Variants in RITA1 observed in about 807,000 individuals in gnomAD.
RITA1 encodes the protein RBPJ-interacting and tubulin-associated protein 1.
RITA1 carries 15 observed loss-of-function variants against 8.7 expected under a neutral mutation model. The observed-to-expected ratio is 1.72, with a 90% confidence interval of 1.15 to 2.65. The LOEUF is 2.65. Ranked by LOEUF, RITA1 falls within the 30% of genes most tolerant of loss-of-function variation. The pLI is 0.00. For missense variants in RITA1, 330 were observed against 363.8 expected, an observed-to-expected ratio of 0.91 and a Z score of 0.76; for synonymous variants, 145 against 156.2, an observed-to-expected ratio of 0.93 and a Z score of 0.53.
intron 3 of RITA1, 53 bp downstream of exon 3, chr12:113,187,101 C>T: frequency 6.8e-7 from 1 of 1,468,732 alleles, no homozygotes; most frequent in Non-Finnish European, 9.1e-7. Context: ...ACCTGGATTC[C>T]AGTTACAGCT....
chr12:113,190,594 ATC>A (rs1053345673), intron 3 of RITA1, among the ~76,000 whole-genome samples: 18 of 152,356 alleles, frequency 1.2e-4, no homozygotes, highest in Admixed American at 6.5e-4. Flanking sequence ...GGCTGCTGTG[ATC>A]TGTGACTGTG....
Position 113,191,817 on chromosome 12 carries a change from A to G in RITA1, c.810A>G (p.Ter270TrpextTer53), listed in dbSNP as rs1952609885. 2 of 1,594,536 alleles carry G rather than the reference A, an allele frequency of 1.3e-6. No individual in the cohort carries two copies. The highest frequency in any genetic ancestry group is 3.4e-5 in the Admixed American group (2 of 58,352). The change falls in exon 4 of 4, where the codon TGA becomes TGG. Residue 270 changes from the stop codon to tryptophan (W), a stop_lost. Transcript: ENST00000548278. The surrounding 1 kb of genome is among the most constrained non-coding windows in gnomAD (Gnocchi z 4.0). ...AGAAACCAAAGCCCCCTTGGAAATG[A>G]TACTCTTTCATCAGGGTTGCCTATG... Reference protein sequence around the residue: ...ATQKPKPPWK* With the variant: ...ATQKPKPPWKW
chr12:113,191,238 G>T lies in RITA1; in HGVS notation c.303-72G>T. On this transcript the variant is annotated intron_variant, in intron 3 of 3. Coordinates refer to ENST00000548278, the MANE Select transcript of RITA1 (RefSeq NM_032848.3). The surrounding 1 kb of genome is among the most constrained non-coding windows in gnomAD (Gnocchi z 4.0). Reference sequence around the variant, plus strand: ...CCTCTGCTGCTGCCATCCCAGGGTGGGTGGGAGAGCTGTTAAAGTTTTGAG... The same window carrying T: ...CCTCTGCTGCTGCCATCCCAGGGTGTGTGGGAGAGCTGTTAAAGTTTTGAG... 2.7e-6 allele frequency: 4 copies of T among 1,474,586 alleles called. No homozygotes were observed. Among genetic ancestry groups the T allele is most frequent in the African/African-American group, 1.4e-5 (1 of 71,084 alleles). The allele number at this position is 1,474,586 out of a possible 1,614,324, so 91.3% of individuals were successfully genotyped here.
At position 113,191,966 on chromosome 12, in the gene RITA1, CT is replaced by C; in HGVS notation, c.*152del. On this transcript the variant is annotated 3_prime_UTR_variant, in exon 4 of 4. Coordinates refer to ENST00000548278, the MANE Select transcript of RITA1 (RefSeq NM_032848.3). The surrounding 1 kb of genome is among the most constrained non-coding windows in gnomAD (Gnocchi z 4.0). ...CATAGCAGGGGTGGGCAGTGCCTCC[CT>C]TTATCCTGACAATCTCTAGTCGATT... The C allele has an allele frequency of 9.9e-7, 1 of 1,006,316 alleles. No homozygotes were observed. Among genetic ancestry groups the C allele is most frequent in the Non-Finnish European group, 1.4e-6 (1 of 705,308 alleles). The allele number at this position is 1,006,316 out of a possible 1,614,324, so 62.3% of individuals were successfully genotyped here. A position where few individuals can be genotyped will look rare whatever the true frequency, so the allele number is the denominator to read the frequency against.
In RITA1 at chr12:113,186,035, C is replaced by A; in HGVS notation, c.-197+14C>A. The A allele has an allele frequency of 6.5e-7, 1 of 1,536,050 alleles. No homozygotes were observed. The highest frequency in any genetic ancestry group is 8.7e-7 in the Non-Finnish European group (1 of 1,146,840). On this transcript the variant is annotated intron_variant, in intron 1 of 3. Coordinates refer to ENST00000548278, the MANE Select transcript of RITA1 (RefSeq NM_032848.3). The stretch of plus-strand genomic sequence containing the variant: ...CAAGATGCTCAGGTAGGAGAACAAC[C>A]CAAAAATGCAGGGACCTCGGGCACT...
In RITA1 at chr12:113,187,019, C is replaced by T. The variant is rs1382511932; in HGVS notation, c.273C>T (p.Thr91=). ...CCCCCTCAAGGGGCAGCACCCCCAC[C>T]CTCACACCAAGGAAGAAGAACAAAT... ...ETTPSRGSTP[T]LTPRKKNKYR... The change falls in exon 3 of 4, where the codon ACC becomes ACT. Residue 91 remains threonine (T), a synonymous_variant. Transcript: ENST00000548278. 1 of 1,605,656 alleles carries T rather than the reference C, an allele frequency of 6.2e-7. No homozygotes were observed. The highest frequency in any genetic ancestry group is 8.5e-7 in the Non-Finnish European group (1 of 1,175,890).
At chr12:113,186,390 C>T (rs2136332576) in intron 2 of RITA1, 74 bp downstream of exon 2, 2 of 1,372,842 alleles carry the variant, frequency 1.5e-6, no homozygotes, top group East Asian at 5.5e-5. Flanking sequence ...CCTGTCTCCC[C>T]TACCACCATA....
Position 113,185,923 on chromosome 12 carries a change from C to G in RITA1, c.-295C>G. ...ATTGACGGGGATCCCGGATGCACCG[C>G]GCGCCCCCGCGCCCTCACCGACGGG... On this transcript the variant is annotated 5_prime_UTR_variant, in exon 1 of 4. Coordinates refer to ENST00000548278, the MANE Select transcript of RITA1 (RefSeq NM_032848.3). 2.0e-6 allele frequency: 3 copies of G among 1,495,486 alleles called. No individual in the cohort carries two copies. The highest frequency in any genetic ancestry group is 2.7e-6 in the Non-Finnish European group (3 of 1,114,132). The allele number at this position is 1,495,486 out of a possible 1,614,324, so 92.6% of individuals were successfully genotyped here. A position where few individuals can be genotyped will look rare whatever the true frequency, so the allele number is the denominator to read the frequency against.
rs57210700 is a variant in RITA1 at position 113,185,894 on chromosome 12, G to A, written c.-324G>A. Reference sequence around the variant, plus strand: ...TCCGGGGCCCCAGGCATTCCGGGCTGCAGATTGACGGGGATCCCGGATGCA... The same window carrying A: ...TCCGGGGCCCCAGGCATTCCGGGCTACAGATTGACGGGGATCCCGGATGCA... On this transcript the variant is annotated 5_prime_UTR_variant, in exon 1 of 4. Coordinates refer to ENST00000548278, the MANE Select transcript of RITA1 (RefSeq NM_032848.3). 1 of 1,417,870 alleles carries A rather than the reference G, an allele frequency of 7.1e-7. No individual in the cohort carries two copies. The highest frequency in any genetic ancestry group is 9.5e-7 in the Non-Finnish European group (1 of 1,051,992). 87.8% of individuals were successfully genotyped at this position (1,417,870 alleles called of 1,614,324 possible). A position where few individuals can be genotyped will look rare whatever the true frequency, so the allele number is the denominator to read the frequency against.
chr12:113,189,732 TAAA>T (rs34117781), intron 3 of RITA1, among the ~76,000 whole-genome samples: 3 of 76,908 alleles, frequency 3.9e-5, no homozygotes, highest in Non-Finnish European at 5.3e-5. Flanking sequence ...ATCTGTTGAA[TAAA>T]AAAAAAAAAA....
rs368110690 is a variant in RITA1, at chr12:113,191,390, G to T, written c.383G>T (p.Arg128Leu). 1.2e-6 allele frequency: 2 copies of T among 1,604,334 alleles called. No individual in the cohort carries two copies. Among genetic ancestry groups the T allele is most frequent in the African/African-American group, 2.7e-5 (2 of 74,692 alleles). ...GAAGGCGCCAGCTTCGGGGCCCCGC[G>T]GATGGCGAAGGGGGATGCCGCAAAG... The part of the protein sequence containing the change: ...RSEGASFGAP[R>L]MAKGDAAKLR... The change falls in exon 4 of 4, where the codon CGG (arginine) becomes CTG (leucine). Residue 128 changes from arginine to leucine, a missense_variant. Physicochemically the swap from Arg to Leu is moderately radical, Grantham distance 102. Coordinates refer to ENST00000548278, the MANE Select transcript of RITA1 (RefSeq NM_032848.3). The surrounding 1 kb of genome is among the most constrained non-coding windows in gnomAD (Gnocchi z 4.0).
At chr12:113,188,116 T>G (rs1288743452) in intron 3 of RITA1, among the ~76,000 whole-genome samples, 2 of 152,110 alleles carry the variant, frequency 1.3e-5, no homozygotes, top group Non-Finnish European at 1.5e-5. Context: ...TGGCACGATC[T>G]TGGCTCACCA....
rs776736297 is a variant in RITA1 at position 113,191,497 on chromosome 12, A to G, written c.490A>G (p.Ile164Val). The G allele has an allele frequency of 1.2e-6, 2 of 1,606,052 alleles. No individual in the cohort carries two copies. Among genetic ancestry groups the G allele is most frequent in the Non-Finnish European group, 1.7e-6 (2 of 1,173,790 alleles). The stretch of plus-strand genomic sequence containing the variant: ...CCCCAGGGAGGCACCACTGCGAGCC[A>G]TTCACCCAGCTGGTCCCTCCAAGAC... ...PRPREAPLRA[I>V]HPAGPSKTEP... Residue 164 changes from isoleucine to valine, a missense_variant, in exon 4 of 4, where the codon ATT becomes GTT. Transcript: ENST00000548278. The surrounding 1 kb of genome is among the most constrained non-coding windows in gnomAD (Gnocchi z 4.0).
In RITA1 at chr12:113,186,859, T is replaced by C. The variant is rs765815012; in HGVS notation, c.113T>C (p.Leu38Pro). 1.2e-6 allele frequency: 2 copies of C among 1,614,062 alleles called. No homozygotes were observed. Among genetic ancestry groups the C allele is most frequent in the Non-Finnish European group, 1.7e-6 (2 of 1,180,020 alleles). ...KARTSYVDET[L>P]FGSPAGTRPT... is the part of the protein sequence containing the mutation. ...AGGACGTCATATGTGGATGAGACTC[T>C]GTTTGGCAGCCCAGCAGGCACCCGG... is the stretch of plus-strand genomic sequence containing the variant. The change falls in exon 3 of 4, where the codon CTG becomes CCG. Residue 38 changes from leucine (L) to proline (P), a missense_variant. Coordinates refer to ENST00000548278, the MANE Select transcript of RITA1 (RefSeq NM_032848.3).
At position 113,191,047 on chromosome 12, in the gene RITA1, T is replaced by C. The variant is rs1393932531; in HGVS notation, c.303-263T>C. 6.6e-6 allele frequency among the ~76,000 whole-genome samples: 1 copy of C among 152,170 alleles called. No individual in the cohort carries two copies. The highest frequency in any genetic ancestry group is 1.5e-5 in the Non-Finnish European group (1 of 68,034). ...CCAGGAGGATGGAATATGCAAATTG[T>C]CCAGGCCTGGGGCACATGTCTGGGA... On this transcript the variant is annotated intron_variant, in intron 3 of 3. Coordinates refer to ENST00000548278, the MANE Select transcript of RITA1 (RefSeq NM_032848.3). The surrounding 1 kb of genome is among the most constrained non-coding windows in gnomAD (Gnocchi z 4.0).
At chr12:113,190,098 G>A (rs1395140909) in intron 3 of RITA1, among the ~76,000 whole-genome samples, 1 of 151,166 alleles carries the variant, frequency 6.6e-6, no homozygotes, top group Admixed American at 6.6e-5. Flanking sequence ...GGGAGGCCGA[G>A]GTGGGTAGAT....
rs765469998 is a variant in RITA1, at chr12:113,191,446, A to G, written c.439A>G (p.Thr147Ala). ...TGCTCTCTTGTGGACGCCACCACCT[A>G]CCCCCAGGGGTAGCCACTCGCCCCG... The part of the protein sequence containing the change: ...LRALLWTPPP[T>A]PRGSHSPRPR... The change falls in exon 4 of 4, where the codon ACC becomes GCC. Residue 147 changes from threonine (T) to alanine (A), a missense_variant. Transcript: ENST00000548278. The surrounding 1 kb of genome is among the most constrained non-coding windows in gnomAD (Gnocchi z 4.0). The G allele has an allele frequency of 1.0e-5, 16 of 1,604,334 alleles. No individual in the cohort carries two copies. In the Admixed American group the frequency reaches 2.7e-4, roughly 27 times the overall value.
chr12:113,187,292 A>G (rs1952549866), intron 3 of RITA1: 1 of 448,778 alleles, frequency 2.2e-6, no homozygotes, highest in Non-Finnish European at 3.9e-6. Flanking sequence ...AATAAATGGT[A>G]GTGTTGATGG....
rs1440691443 is a variant in RITA1, at chr12:113,186,001, C to T, written c.-217C>T. 4 of 1,535,956 alleles carry T rather than the reference C, an allele frequency of 2.6e-6. No homozygotes were observed. Among genetic ancestry groups the T allele is most frequent in the East Asian group, 4.9e-5 (2 of 40,914 alleles). ...GGACGGGTCCCTGAGGATCCCGATG[C>T]CTACGAGCCAAGATGCTCAGGTAGG... is the stretch of plus-strand genomic sequence containing the variant. On this transcript the variant is annotated 5_prime_UTR_variant, in exon 1 of 4. Coordinates refer to ENST00000548278, the MANE Select transcript of RITA1 (RefSeq NM_032848.3).
Sources: allele counts gnomAD v4.1 joint callset (sites outside exome capture counted in the v4.1 genomes callset), GRCh38; gene constraint gnomAD v4.1.1; non-coding constraint Gnocchi (gnomAD v3.1); transcripts MANE v1.5; gene names NCBI Gene and HGNC (gene_info 2026-07-23, HGNC 2026-07-21).